The following RSRP1 variants were observed in gnomAD, a reference collection of about 807,000 sequenced individuals.
RSRP1 encodes the protein arginine/serine-rich protein 1.
A neutral mutation model predicts 33.0 loss-of-function variants in RSRP1; 37 were observed. The ratio of observed to expected loss-of-function variants is 1.12; its 90% CI spans 0.86 to 1.48. The LOEUF (loss-of-function observed/expected upper bound fraction) is 1.48. Ranked by LOEUF, RSRP1 falls within the 40% of genes most tolerant of loss-of-function variation. The pLI is 0.00. For missense variants in RSRP1, 402 were observed against 385.3 expected (o/e 1.04, Z -0.36); for synonymous variants, 167 against 158.7 (o/e 1.05, Z -0.40).
intron 1 of RSRP1, among the ~76,000 whole-genome samples, chr1:25,255,809 T>C (rs1309672169): frequency 2.0e-5 from 3 of 152,114 alleles, no homozygotes; most frequent in Non-Finnish European, 4.4e-5. Context: ...ATTCCTCGCA[T>C]GCACAGAGTT....
rs1272984377 is a variant in RSRP1, at chr1:25,303,554, G to A, written c.-67+34424C>T. On this transcript the variant is annotated intron_variant, in intron 1 of 1. Coordinates refer to the RSRP1 transcript ENST00000561867. ...CACTGTGCAGTGCACAGCTGCATTA[G>A]GCAGGTGTCGGCGCATTCTCTTATT... 4 of 1,180,002 alleles carry A rather than the reference G, an allele frequency of 3.4e-6. 1 individual carries two copies. In the Admixed American group the frequency reaches 7.5e-5, roughly 22 times the overall value. 73.1% of individuals were successfully genotyped at this position (1,180,002 alleles called of 1,614,324 possible).
upstream of RSRP1, among the ~76,000 whole-genome samples, chr1:25,251,271 T>A (rs1382176252): frequency 6.6e-6 from 1 of 152,180 alleles, no homozygotes; most frequent in East Asian, 1.9e-4. Context: ...TATAGAACTA[T>A]GAGATATTAA....
Position 25,242,570 on chromosome 1 carries a change from A to G in RSRP1, c.*19T>C, listed in dbSNP as rs762056870. On this transcript the variant is annotated 3_prime_UTR_variant, in exon 5 of 5. Coordinates refer to ENST00000243189, the MANE Select transcript of RSRP1 (RefSeq NM_020317.5). Reference sequence around the variant, plus strand: ...TAAAGTGCAGTTTTCATGCAAACTTAGCCATCAGTTTTCTTCTTTTAGATA... The same window carrying G: ...TAAAGTGCAGTTTTCATGCAAACTTGGCCATCAGTTTTCTTCTTTTAGATA... 4 of 1,455,274 alleles carry G rather than the reference A, an allele frequency of 2.7e-6. No individual in the cohort carries two copies. The South Asian group carries it at 4.7e-5, about 17-fold the overall frequency. The allele number at this position is 1,455,274 out of a possible 1,614,324, so 90.1% of individuals were successfully genotyped here.
chr1:25,270,032 A>G lies in RSRP1; in HGVS notation c.-66-23003T>C, dbSNP rs1465144617. On this transcript the variant is annotated intron_variant, in intron 1 of 1. Coordinates refer to the RSRP1 transcript ENST00000561867. Reference sequence around the variant, plus strand: ...GTAGGTGCAGTTGGCTGCCTGGTTTACAGAGCTTGTACTGGGCCCAGGTTA... The same window carrying G: ...GTAGGTGCAGTTGGCTGCCTGGTTTGCAGAGCTTGTACTGGGCCCAGGTTA... 8.3e-5 allele frequency among the ~76,000 whole-genome samples: 11 copies of G among 132,318 alleles called. 3 individuals carry two copies. Among genetic ancestry groups the G allele is most frequent in the African/African-American group, 2.8e-4 (11 of 38,818 alleles). The allele number at this position is 132,318 out of a possible 152,430, so 86.8% of individuals were successfully genotyped here. A position where few individuals can be genotyped will look rare whatever the true frequency, so the allele number is the denominator to read the frequency against.
chr1:25,286,444 G>A (rs1189989510), intron 1 of RSRP1, among the ~76,000 whole-genome samples: 2 of 134,662 alleles, frequency 1.5e-5, no homozygotes, highest in South Asian at 2.2e-4. Flanking sequence ...AGCCATGATC[G>A]TGCCACTTCA....
chr1:25,307,692 T>C lies in RSRP1; in HGVS notation c.-67+30286A>G, dbSNP rs1557550219. 5 of 1,306,900 alleles carry C rather than the reference T, an allele frequency of 3.8e-6. 2 individuals carry two copies. The highest frequency in any genetic ancestry group is 1.3e-5 in the South Asian group (1 of 78,278). 81.0% of individuals were successfully genotyped at this position (1,306,900 alleles called of 1,614,324 possible). A position where few individuals can be genotyped will look rare whatever the true frequency, so the allele number is the denominator to read the frequency against. ...CTGTAAAAATGGCTGAAGCAGGTGATGAGGAGCTGATGCGTTTGGACGTGT... is the reference window on the plus strand; with the variant it reads ...CTGTAAAAATGGCTGAAGCAGGTGACGAGGAGCTGATGCGTTTGGACGTGT... On this transcript the variant is annotated intron_variant, in intron 1 of 1. Transcript: ENST00000561867.
chr1:25,303,076 C>T (rs1259398803), intron 1 of RSRP1, among the ~76,000 whole-genome samples: 1 of 131,840 alleles, frequency 7.6e-6, no homozygotes, highest in Non-Finnish European at 1.8e-5. Context: ...GACTTCCCAG[C>T]TCATTCCCTA....
chr1:25,309,888 A>C (rs1265550267), intron 1 of RSRP1, among the ~76,000 whole-genome samples: 1 of 133,028 alleles, frequency 7.5e-6, no homozygotes, highest in East Asian at 2.0e-4. Flanking sequence ...TGCTTCATTC[A>C]TTTCTTTTTC....
At chr1:25,301,015 T>C in intron 1 of RSRP1, 1 of 1,376,850 alleles carries the variant, frequency 7.3e-7, no homozygotes, top group Non-Finnish European at 1.0e-6. Flanking sequence ...TGTGGCCTGG[T>C]GCCTGCCAAA....
intron 3 of RSRP1, 97 bp from the exon 4 acceptor site, chr1:25,243,730 G>A: frequency 6.7e-7 from 1 of 1,501,192 alleles, no homozygotes; most frequent in Non-Finnish European, 8.9e-7. Flanking sequence ...AAATTTAGCT[G>A]TAGACACAAA....
chr1:25,257,155 C>T (rs774862564), intron 1 of RSRP1, among the ~76,000 whole-genome samples: 2 of 152,224 alleles, frequency 1.3e-5, no homozygotes, highest in Non-Finnish European at 2.9e-5. Flanking sequence ...GTTGTCACGA[C>T]AATGTATGGG....
chr1:25,286,556 G>T (rs1642012675), intron 1 of RSRP1, among the ~76,000 whole-genome samples: 1 of 134,428 alleles, frequency 7.4e-6, no homozygotes, highest in African/African-American at 2.6e-5. Flanking sequence ...GGAGGCCAAG[G>T]CGGGGGGATC....
intron 1 of RSRP1, among the ~76,000 whole-genome samples, chr1:25,261,436 A>C: frequency 7.0e-6 from 1 of 143,808 alleles, no homozygotes; most frequent in East Asian, 2.0e-4. Context: ...ACAGAGTCTC[A>C]CTCTGTCACC....
chr1:25,328,944 A>T, intron 1 of RSRP1: 1 of 1,321,890 alleles, frequency 7.6e-7, no homozygotes, highest in Non-Finnish European at 1.1e-6. Flanking sequence ...TCCAAGAAAA[A>T]CAAGGCCTGT....
chr1:25,283,439 G>C (rs1336622161), intron 1 of RSRP1, among the ~76,000 whole-genome samples: 2 of 130,570 alleles, frequency 1.5e-5, no homozygotes, highest in African/African-American at 5.2e-5. Context: ...GCTGAGGCAG[G>C]AGAATCACTT....
intron 1 of RSRP1, among the ~76,000 whole-genome samples, chr1:25,287,165 A>ACGCACGCACGCACGCACGCACGCACGCC: frequency 7.4e-6 from 1 of 134,564 alleles, no homozygotes; most frequent in African/African-American, 2.6e-5. Flanking sequence ...GCACACATGC[A>ACGCACGCACGCACGCACGCACGCACGCC]CGCATACACA....
At chr1:25,243,499 A>G in intron 4 of RSRP1, 51 bp downstream of exon 4, 1 of 1,595,866 alleles carries the variant, frequency 6.3e-7, no homozygotes, top group Non-Finnish European at 8.6e-7. Context: ...AAAGATGCAA[A>G]AATACATCCT....
In RSRP1 at chr1:25,303,761, CCT is replaced by C. The variant is rs1456730037; in HGVS notation, c.-67+34215_-67+34216del. Among the ~76,000 whole-genome samples the C allele has an allele frequency of 5.3e-5, 7 of 130,952 alleles. 2 individuals carry two copies. Among genetic ancestry groups the C allele is most frequent in the African/African-American group, 1.8e-4 (7 of 37,868 alleles). 85.9% of individuals were successfully genotyped at this position (130,952 alleles called of 152,430 possible). A position where few individuals can be genotyped will look rare whatever the true frequency, so the allele number is the denominator to read the frequency against. Reference sequence around the variant, plus strand: ...GAGTGTTGTGGGGAGCCCCGAAGCCCCTGTTTTACTTCTTTCTTTGCTTTTCC... The same window carrying C: ...GAGTGTTGTGGGGAGCCCCGAAGCCCGTTTTACTTCTTTCTTTGCTTTTCC... On this transcript the variant is annotated intron_variant, in intron 1 of 1. Coordinates refer to the RSRP1 transcript ENST00000561867.
chr1:25,245,403 A>T (rs1386840564), intron 2 of RSRP1, 102 bp from the exon 3 acceptor site: 2 of 1,393,196 alleles, frequency 1.4e-6, no homozygotes, highest in Admixed American at 2.6e-5. Context: ...TGTGGTATTA[A>T]ATATATTAAG....
Sources: allele counts gnomAD v4.1 joint callset (sites outside exome capture counted in the v4.1 genomes callset), GRCh38; gene constraint gnomAD v4.1.1; transcripts MANE v1.5; gene names NCBI Gene and HGNC (gene_info 2026-07-23, HGNC 2026-07-21).